LMTK2: variants seen among roughly 807,000 people sequenced by gnomAD.
LMTK2 encodes the protein serine/threonine-protein kinase LMTK2.
A neutral mutation model predicts 127.5 loss-of-function variants in LMTK2; 37 were observed. The ratio of observed to expected loss-of-function variants is 0.29; its 90% CI spans 0.22 to 0.38. LMTK2 has a LOEUF of 0.38. LMTK2 is among the 10% of genes least tolerant of loss of function. The pLI, the probability that LMTK2 is intolerant of heterozygous loss-of-function variation, is 1.00. For missense variants in LMTK2, 1,694 were observed against 1,920.3 expected (o/e 0.88, Z 2.20); for synonymous variants, 819 against 810.1 (o/e 1.01, Z -0.19).
In LMTK2 at chr7:98,194,197, C is replaced by G. The variant is rs749050966; in HGVS notation, c.3732C>G (p.Asp1244Glu). 25 of 1,613,872 alleles carry G rather than the reference C, an allele frequency of 1.5e-5. No homozygotes were observed. In the African/African-American group the frequency reaches 3.2e-4, roughly 21 times the overall value. ...ELLAYTNSAL[D>E]KSLSSHSEGP... The stretch of plus-strand genomic sequence containing the variant: ...TTGCCTACACCAATTCTGCGCTGGA[C>G]AAGTCCCTGTCCAGCCACTCCGAGG... Residue 1244 changes from aspartate (D) to glutamate (E), a missense_variant, in exon 11 of 14, where the codon GAC becomes GAG. By Grantham distance (45) the Asp-to-Glu change is conservative. Transcript: ENST00000297293. The surrounding 1 kb of genome is among the most constrained non-coding windows in gnomAD (Gnocchi z 5.4).
chr7:98,203,798 A>G, intron 12 of LMTK2, 92 bp downstream of exon 12: 3 of 1,576,028 alleles, frequency 1.9e-6, no homozygotes, highest in Non-Finnish European at 2.6e-6. Context: ...TGCTTTAATG[A>G]CGCCCCCTGA....
chr7:98,165,052 G>T (rs1041778232), intron 6 of LMTK2, among the ~76,000 whole-genome samples: 1 of 152,180 alleles, frequency 6.6e-6, no homozygotes, highest in African/African-American at 2.4e-5. Flanking sequence ...GGCATCCGCT[G>T]GCTGTCCTTT....
At chr7:98,159,826 C>T (rs1210792941) in intron 6 of LMTK2, among the ~76,000 whole-genome samples, 1 of 152,164 alleles carries the variant, frequency 6.6e-6, no homozygotes, top group Non-Finnish European at 1.5e-5. Context: ...CACTTTAACC[C>T]CCTGAGAGAG....
Position 98,192,358 on chromosome 7 carries a change from T to G in LMTK2, c.1893T>G (p.Pro631=). 6.3e-7 allele frequency: 1 copy of G among 1,593,520 alleles called. No homozygotes were observed. Residue 631 remains proline, a synonymous_variant, in exon 11 of 14, where the codon CCT becomes CCG. Transcript: ENST00000297293. ...ACGTGACCAGTGGCCCCGAGAGCCC[T>G]TTCAACAATATATTTAATGATGTGG... The part of the protein sequence containing the change: ...DLHVTSGPES[P]FNNIFNDVDK...
intron 3 of LMTK2, among the ~76,000 whole-genome samples, chr7:98,143,914 C>A (rs1796732760): frequency 6.6e-6 from 1 of 152,090 alleles, no homozygotes; most frequent in Non-Finnish European, 1.5e-5. Context: ...AAATTATAGT[C>A]AATCAATACA....
chr7:98,174,207 T>C (rs987751426), intron 7 of LMTK2, among the ~76,000 whole-genome samples: 2 of 152,046 alleles, frequency 1.3e-5, no homozygotes, highest in African/African-American at 2.4e-5. Context: ...GCATATCATA[T>C]AGTATATTTT....
At position 98,192,844 on chromosome 7, in the gene LMTK2, T is replaced by C. The variant is rs1402541608; in HGVS notation, c.2379T>C (p.Asp793=). Residue 793 remains aspartate, a synonymous_variant, in exon 11 of 14, where the codon GAT becomes GAC. Coordinates refer to ENST00000297293, the MANE Select transcript of LMTK2 (RefSeq NM_014916.4). ...AAAACGTAAGCACAAAGGGTGACGA[T>C]ACAGATGTCATGCTCACAGGTGACA... ...LQENVSTKGD[D]TDVMLTGDTL... is the part of the protein sequence containing the mutation. The C allele has an allele frequency of 6.2e-7, 1 of 1,614,054 alleles. No individual in the cohort carries two copies. Among genetic ancestry groups the C allele is most frequent in the Non-Finnish European group, 8.5e-7 (1 of 1,179,950 alleles).
At chr7:98,116,775 C>T (rs1397613944) in intron 1 of LMTK2, among the ~76,000 whole-genome samples, 3 of 152,152 alleles carry the variant, frequency 2.0e-5, no homozygotes, top group Non-Finnish European at 2.9e-5. Flanking sequence ...TCTCTAGTGT[C>T]TTTTTTTCTC....
intron 9 of LMTK2, among the ~76,000 whole-genome samples, chr7:98,189,562 G>A (rs529124988): frequency 1.3e-5 from 2 of 152,210 alleles, no homozygotes; most frequent in African/African-American, 4.8e-5. Context: ...AGCAGTGTGT[G>A]TGTTCACGGC....
Position 98,193,246 on chromosome 7 carries a change from T to C in LMTK2, c.2781T>C (p.Asn927=). The change falls in exon 11 of 14, where the codon AAT becomes AAC. Residue 927 remains asparagine (N), a synonymous_variant. Coordinates refer to ENST00000297293, the MANE Select transcript of LMTK2 (RefSeq NM_014916.4). This position sits in a 1 kb window ranked among gnomAD's most constrained non-coding sequence, Gnocchi z 4.1. ...SLPELGQELH[N]KPFSEDHHSH... ...CGGAACTGGGACAGGAATTGCACAA[T>C]AAACCATTTTCGGAAGACCATCACA... 2 of 1,613,544 alleles carry C rather than the reference T, an allele frequency of 1.2e-6. No individual in the cohort carries two copies. Among genetic ancestry groups the C allele is most frequent in the East Asian group, 2.2e-5 (1 of 44,846 alleles).
chr7:98,189,030 G>C (rs1308866537), intron 9 of LMTK2, among the ~76,000 whole-genome samples: 1 of 152,022 alleles, frequency 6.6e-6, no homozygotes, highest in Non-Finnish European at 1.5e-5. Context: ...CCTCTGACTG[G>C]GTGATTTCAA....
chr7:98,112,387 A>T (rs1796213651), intron 1 of LMTK2, among the ~76,000 whole-genome samples: 2 of 152,176 alleles, frequency 1.3e-5, no homozygotes, highest in South Asian at 2.1e-4. Flanking sequence ...TGTAAAACGG[A>T]GAGAATAGTT....
At chr7:98,127,586 G>A (rs942306824) in intron 1 of LMTK2, among the ~76,000 whole-genome samples, 11 of 152,236 alleles carry the variant, frequency 7.2e-5, no homozygotes, top group African/African-American at 2.7e-4. Flanking sequence ...CAGTTAGAAG[G>A]CAGGATGCCC....
At position 98,206,468 on chromosome 7, in the gene LMTK2, C is replaced by T. The variant is rs916225529; in HGVS notation, c.*976C>T. The stretch of plus-strand genomic sequence containing the variant: ...GATGGACCCGGCCCATCCCTGGGGA[C>T]GTGCTGGCGTGGCAGGTCCAGAGAG... On this transcript the variant is annotated 3_prime_UTR_variant, in exon 14 of 14. Transcript: ENST00000297293. 1 of 152,256 alleles carries T rather than the reference C, an allele frequency of 6.6e-6. No individual in the cohort carries two copies. Among genetic ancestry groups the T allele is most frequent in the African/African-American group, 2.4e-5 (1 of 41,464 alleles). The allele number at this position is 152,256 out of a possible 1,614,324, so 9.4% of individuals were successfully genotyped here. A position where few individuals can be genotyped will look rare whatever the true frequency, so the allele number is the denominator to read the frequency against.
In LMTK2 at chr7:98,192,906, A is replaced by C; in HGVS notation, c.2441A>C (p.Gln814Pro). Residue 814 changes from glutamine (Q) to proline (P), a missense_variant, in exon 11 of 14, where the codon CAG becomes CCG. Gln to Pro is a moderately conservative substitution (Grantham distance 76). Transcript: ENST00000297293. Reference protein sequence around the residue: ...STSLQSSPEVQVPPTSFETEE... With the variant: ...STSLQSSPEVPVPPTSFETEE... Reference sequence around the variant, plus strand: ...TCATTGCAGTCTTCCCCGGAAGTGCAGGTACCTCCTACCTCCTTCGAAACA... The same window carrying C: ...TCATTGCAGTCTTCCCCGGAAGTGCCGGTACCTCCTACCTCCTTCGAAACA... 6.2e-7 allele frequency: 1 copy of C among 1,614,152 alleles called. No homozygotes were observed.
At chr7:98,187,199 C>G (rs1267547689) in intron 9 of LMTK2, among the ~76,000 whole-genome samples, 2 of 152,142 alleles carry the variant, frequency 1.3e-5, no homozygotes, top group East Asian at 3.9e-4. Context: ...TGAATACTGC[C>G]CCTGCTACCC....
Position 98,194,506 on chromosome 7 carries a change from G to A in LMTK2, c.4041G>A (p.Glu1347=). Reference sequence around the variant, plus strand: ...CCAATGCCCCCGACCCACTGCCCGAGGACTGGAAGAAGGAAAAGAAGGCAG... The same window carrying A: ...CCAATGCCCCCGACCCACTGCCCGAAGACTGGAAGAAGGAAAAGAAGGCAG... ...TAANAPDPLP[E]DWKKEKKAVT... Residue 1347 remains glutamate, a synonymous_variant, in exon 11 of 14, where the codon GAG becomes GAA. Transcript: ENST00000297293. The surrounding 1 kb of genome is among the most constrained non-coding windows in gnomAD (Gnocchi z 5.4). The A allele has an allele frequency of 6.2e-7, 1 of 1,613,308 alleles. No individual in the cohort carries two copies. Among genetic ancestry groups the A allele is most frequent in the South Asian group, 1.1e-5 (1 of 91,086 alleles).
intron 1 of LMTK2, among the ~76,000 whole-genome samples, chr7:98,134,309 G>A (rs905404070): frequency 2.0e-5 from 3 of 152,230 alleles, no homozygotes; most frequent in Admixed American, 6.5e-5. Context: ...AATGCTGCCA[G>A]TTAAGCTAAC....
chr7:98,140,767 A>G (rs1051598972), intron 2 of LMTK2, among the ~76,000 whole-genome samples: 43 of 152,278 alleles, frequency 2.8e-4, no homozygotes, highest in Non-Finnish European at 5.3e-4. Context: ...TAATAATATT[A>G]AAAGAATTGC....
Sources: gnomAD v4.1 joint callset for allele counts (sites outside exome capture counted in the v4.1 genomes callset) on GRCh38, gnomAD v4.1.1 for gene constraint, Gnocchi (gnomAD v3.1) non-coding constraint, MANE v1.5 for transcripts, NCBI Gene and HGNC (gene_info 2026-07-23, HGNC 2026-07-21) for gene names.